HYDIN: variants seen among roughly 807,000 people sequenced by gnomAD.
The protein encoded by HYDIN is axonemal central pair apparatus protein HYDIN.
In HYDIN, 132 loss-of-function variants were observed where a neutral mutation model predicts 403.9. That is an observed-to-expected ratio of 0.33 (90% CI 0.28 to 0.38). The LOEUF (loss-of-function observed/expected upper bound fraction) is 0.38, where lower values mean the gene tolerates loss of function less well. Ranked by LOEUF, HYDIN falls within the 10% of genes least tolerant of loss-of-function variation. The probability of loss-of-function intolerance (pLI) is 1.00; values close to 1 mark genes in which losing one functional copy is unlikely to be tolerated. For missense variants in HYDIN, 2,827 were observed against 5,009.5 expected (o/e 0.56, Z 13.15); for synonymous variants, 1,202 against 1,891.7 (o/e 0.64, Z 9.46).
At chr16:70,867,317 A>C (rs7190628) in intron 66 of HYDIN, among the ~76,000 whole-genome samples, 1,762 of 141,106 alleles carry the variant, frequency 0.012, 32 homozygotes, top group African/African-American at 0.05. Context: ...AAAATCAAGA[A>C]GTCTGACAAT....
At chr16:70,950,725 T>C (rs2078039607) in intron 41 of HYDIN, among the ~76,000 whole-genome samples, 3 of 152,000 alleles carry the variant, frequency 2.0e-5, no homozygotes, top group African/African-American at 7.3e-5. Context: ...ACTGTCCCTA[T>C]AGCACTCTCA....
chr16:70,833,897 C>T lies in HYDIN; in HGVS notation c.13669G>A (p.Val4557Met). 1 of 1,612,142 alleles carries T rather than the reference C, an allele frequency of 6.2e-7. No homozygotes were observed. Among genetic ancestry groups the T allele is most frequent in the Non-Finnish European group, 8.5e-7 (1 of 1,179,470 alleles). The part of the protein sequence containing the change: ...RRILMMNTGD[V>M]GARFKWDIKK... ...ACACTGCTCCCTTACCTTGCACCCA[C>T]ATCGCCTGTGTTCATCATGAGGATG... is the stretch of plus-strand genomic sequence containing the variant. Residue 4557 changes from valine (V) to methionine (M), a missense_variant, in exon 79 of 86, where the codon GTG becomes ATG. Physicochemically the swap from Val to Met is conservative, Grantham distance 21. Transcript: ENST00000393567.
chr16:71,220,790 ATGAC>A (rs1227434002), intron 1 of HYDIN, among the ~76,000 whole-genome samples: 1 of 152,210 alleles, frequency 6.6e-6, no homozygotes, highest in Admixed American at 6.5e-5. Flanking sequence ...GAGTATGTAA[ATGAC>A]TGTGCTAAAA....
chr16:70,940,772 TG>T (rs1408194480), intron 43 of HYDIN, among the ~76,000 whole-genome samples: 19 of 152,210 alleles, frequency 1.2e-4, no homozygotes, highest in African/African-American at 4.6e-4. Context: ...GCCCAGTGTT[TG>T]TAAGTATTTC....
At chr16:70,809,122 C>A (rs2035293624) in intron 85 of HYDIN, among the ~76,000 whole-genome samples, 1 of 152,160 alleles carries the variant, frequency 6.6e-6, no homozygotes, top group Non-Finnish European at 1.5e-5. Context: ...CGCTATGTTG[C>A]CCAGGCTGGT....
chr16:71,066,108 T>C (rs914175442), intron 15 of HYDIN, among the ~76,000 whole-genome samples: 2 of 152,068 alleles, frequency 1.3e-5, no homozygotes, highest in Admixed American at 1.3e-4. Context: ...ATAGCCTCTT[T>C]AGACCTTTTT....
At chr16:70,841,707 T>A (rs1171012169) in intron 75 of HYDIN, among the ~76,000 whole-genome samples, 4 of 151,414 alleles carry the variant, frequency 2.6e-5, no homozygotes, top group African/African-American at 7.3e-5. Context: ...TCTCTCTCTG[T>A]CTCTCTCTTC....
intron 18 of HYDIN, among the ~76,000 whole-genome samples, chr16:71,046,438 T>C (rs1212322428): frequency 2.0e-5 from 3 of 151,948 alleles, no homozygotes; most frequent in African/African-American, 7.2e-5. Flanking sequence ...CCTCATATAA[T>C]GTTGCCCTTC....
At chr16:70,921,683 T>C (rs1567834752) in intron 45 of HYDIN, among the ~76,000 whole-genome samples, 2 of 152,138 alleles carry the variant, frequency 1.3e-5, no homozygotes, top group Non-Finnish European at 2.9e-5. Flanking sequence ...GATAGCAACA[T>C]TAATACCTAC....
intron 5 of HYDIN, among the ~76,000 whole-genome samples, chr16:71,169,296 G>A (rs1462771834): frequency 6.6e-6 from 1 of 152,164 alleles, no homozygotes; most frequent in Non-Finnish European, 1.5e-5. Flanking sequence ...AGCTGGGCAT[G>A]GTGGCGGGTG....
intron 29 of HYDIN, among the ~76,000 whole-genome samples, 161 bp from the exon 30 acceptor site, chr16:70,979,202 G>A (rs1483496237): frequency 2.1e-5 from 3 of 144,824 alleles, no homozygotes; most frequent in East Asian, 2.0e-4. Context: ...GCTTCAGAGG[G>A]TGAGGTGATG....
rs148612103 is a variant in HYDIN at position 71,179,827 on chromosome 16, C to T, written c.262-780G>A. Reference sequence around the variant, plus strand: ...CTACGAATTACCCCAAGCTAGTAGCCTGTTTAGCATCCAGTAGATTTTGGG... The same window carrying T: ...CTACGAATTACCCCAAGCTAGTAGCTTGTTTAGCATCCAGTAGATTTTGGG... On this transcript the variant is annotated intron_variant, in intron 3 of 85. Coordinates refer to ENST00000393567, the MANE Select transcript of HYDIN (RefSeq NM_001270974.2). Among the ~76,000 whole-genome samples, 84 of 152,260 alleles carry T rather than the reference C, an allele frequency of 5.5e-4. 1 individual carries two copies. In the East Asian group the frequency reaches 0.015, roughly 28 times the overall value.
chr16:70,823,452 T>C, intron 83 of HYDIN, among the ~76,000 whole-genome samples: 2 of 69,120 alleles, frequency 2.9e-5, no homozygotes, highest in Non-Finnish European at 2.8e-5. Context: ...TGCTTAGTTG[T>C]AGGCTTTTTT....
rs752823579 is a variant in HYDIN, at chr16:71,230,619, G to A, written c.-81C>T. 2.3e-5 allele frequency: 35 copies of A among 1,535,842 alleles called. No individual in the cohort carries two copies. The South Asian group carries it at 3.5e-4, about 15-fold the overall frequency. On this transcript the variant is annotated 5_prime_UTR_variant, in exon 1 of 86. It adds an upstream start codon to the 5' untranslated region. Transcript: ENST00000393567. ...CCTCCATTCCCCGCCAAGACCCCGC[G>A]TCCAACTCACAGACCCCGCCGCCGC... is the stretch of plus-strand genomic sequence containing the variant.
chr16:71,005,258 T>G (rs1430465694), intron 23 of HYDIN, among the ~76,000 whole-genome samples: 1 of 152,166 alleles, frequency 6.6e-6, no homozygotes, highest in Non-Finnish European at 1.5e-5. Context: ...GATAGAAATA[T>G]TCTCTATCTG....
chr16:71,136,059 T>C (rs2084907300), intron 8 of HYDIN, among the ~76,000 whole-genome samples: 1 of 150,960 alleles, frequency 6.6e-6, no homozygotes, highest in South Asian at 2.1e-4. Flanking sequence ...AAGGCTGAAA[T>C]AAATTCCAAT....
Position 70,869,394 on chromosome 16 carries a change from T to C in HYDIN, c.11092-606A>G, listed in dbSNP as rs376704929. 8.3e-3 allele frequency among the ~76,000 whole-genome samples: 1,252 copies of C among 151,228 alleles called. 8 individuals carry two copies. Among genetic ancestry groups the C allele is most frequent in the Admixed American group, 0.014 (218 of 15,118 alleles). On this transcript the variant is annotated intron_variant, in intron 65 of 85. Transcript: ENST00000393567. ...GGAGTTTTCTAGAGGTTATGTGATA[T>C]ATGGTGATATGGTCTGGCTGTGTCT...
chr16:71,019,964 G>C (rs1365424274), intron 22 of HYDIN, among the ~76,000 whole-genome samples: 4 of 152,252 alleles, frequency 2.6e-5, no homozygotes, highest in African/African-American at 9.6e-5. Flanking sequence ...CCACTTACTA[G>C]CTGTGAGACC....
intron 57 of HYDIN, among the ~76,000 whole-genome samples, chr16:70,890,580 C>T (rs576511419): frequency 2.7e-4 from 41 of 152,158 alleles, no homozygotes; most frequent in Non-Finnish European, 4.6e-4. Context: ...TAAAGCCATA[C>T]ATCTTATTTA....
Sources: allele counts gnomAD v4.1 joint callset (sites outside exome capture counted in the v4.1 genomes callset), GRCh38; gene constraint gnomAD v4.1.1; transcripts MANE v1.5; gene names NCBI Gene and HGNC (gene_info 2026-07-23, HGNC 2026-07-21).